HECW2: variants seen among roughly 807,000 people sequenced by gnomAD.
HECW2 encodes the protein E3 ubiquitin-protein ligase HECW2.
HECW2 carries 61 observed loss-of-function variants against 175.2 expected under a neutral mutation model. The ratio of observed to expected loss-of-function variants is 0.35; its 90% CI spans 0.28 to 0.43. HECW2 has a LOEUF of 0.43. HECW2 is among the 20% of genes least tolerant of loss of function. The pLI is 1.00. For missense variants in HECW2, 1,524 were observed against 2,000.5 expected, an observed-to-expected ratio of 0.76 and a Z score of 4.54; for synonymous variants, 671 against 731.0, an observed-to-expected ratio of 0.92 and a Z score of 1.32.
intron 2 of HECW2, among the ~76,000 whole-genome samples, chr2:196,359,250 C>A (rs543625017): frequency 4.6e-5 from 7 of 152,220 alleles, no homozygotes; most frequent in Admixed American, 2.0e-4. Flanking sequence ...GAGATCGATA[C>A]CATCCTGGCC....
intron 3 of HECW2, among the ~76,000 whole-genome samples, chr2:196,338,785 G>C (rs958132517): frequency 6.6e-6 from 1 of 152,194 alleles, no homozygotes; most frequent in African/African-American, 2.4e-5. Context: ...TAATCTTAAA[G>C]AATCAAGCTA....
rs145767213 is a variant in HECW2 at position 196,281,224 on chromosome 2, A to G, written c.3001-2562T>C. On this transcript the variant is annotated intron_variant, in intron 14 of 28. Transcript: ENST00000644978. The stretch of plus-strand genomic sequence containing the variant: ...TATCTTAGTCACTCTGTTATCCCCA[A>G]TAGCTTTTAGGGCTGTGCCTGGGAG... 7.8e-5 allele frequency among the ~76,000 whole-genome samples: 11 copies of G among 141,062 alleles called. No homozygotes were observed. In the East Asian group the frequency reaches 2.3e-3, roughly 30 times the overall value. The allele number at this position is 141,062 out of a possible 152,430, so 92.5% of individuals were successfully genotyped here. A position where few individuals can be genotyped will look rare whatever the true frequency, so the allele number is the denominator to read the frequency against.
At chr2:196,223,794 C>T (rs1180428077) in intron 23 of HECW2, among the ~76,000 whole-genome samples, 1 of 152,090 alleles carries the variant, frequency 6.6e-6, no homozygotes, top group South Asian at 2.1e-4. Flanking sequence ...TAGACCACTA[C>T]AGTAATATGG....
At chr2:196,300,000 A>C (rs1383288089) in intron 13 of HECW2, among the ~76,000 whole-genome samples, 1 of 152,164 alleles carries the variant, frequency 6.6e-6, no homozygotes, top group East Asian at 1.9e-4. Flanking sequence ...TACTTGAAAC[A>C]ATGCAGCGAT....
At chr2:196,246,551 A>G (rs558872351) in intron 19 of HECW2, among the ~76,000 whole-genome samples, 1 of 141,034 alleles carries the variant, frequency 7.1e-6, no homozygotes, top group East Asian at 2.5e-4. Flanking sequence ...CGCCCGGCTA[A>G]TTATTTTTTT....
chr2:196,508,664 A>G (rs1687847759), intron 1 of HECW2, among the ~76,000 whole-genome samples: 1 of 152,016 alleles, frequency 6.6e-6, no homozygotes, highest in African/African-American at 2.4e-5. Flanking sequence ...GGGCTCCCCA[A>G]CCTTCCTCCA....
At chr2:196,542,265 GAAAAA>G (rs1181642124) in intron 1 of HECW2, among the ~76,000 whole-genome samples, 1 of 92,318 alleles carries the variant, frequency 1.1e-5, no homozygotes, top group Non-Finnish European at 2.5e-5. Context: ...CTCTGTCTCA[GAAAAA>G]AAAAAAAAAA....
chr2:196,293,709 C>T (rs528798091), intron 13 of HECW2, among the ~76,000 whole-genome samples: 22 of 152,272 alleles, frequency 1.4e-4, no homozygotes, highest in African/African-American at 5.1e-4. Flanking sequence ...ACCACACTGG[C>T]GATGAATATG....
intron 1 of HECW2, among the ~76,000 whole-genome samples, chr2:196,548,054 G>A (rs1023907936): frequency 2.6e-5 from 4 of 152,140 alleles, no homozygotes; most frequent in African/African-American, 9.7e-5. Context: ...TATGGGCCAG[G>A]CGCAGTGGCT....
intron 2 of HECW2, among the ~76,000 whole-genome samples, chr2:196,370,649 C>A (rs13010229): frequency 0.074 from 11,232 of 152,162 alleles, 623 homozygotes; most frequent in African/African-American, 0.16. Context: ...TTATTTACAA[C>A]CCCAGAGCAA....
chr2:196,220,644 G>A, intron 25 of HECW2, 151 bp downstream of exon 25: 1 of 814,868 alleles, frequency 1.2e-6, no homozygotes. Flanking sequence ...TGGTGCTCTT[G>A]AAACATAAGG....
At chr2:196,249,758 C>T (rs572906430) in intron 19 of HECW2, among the ~76,000 whole-genome samples, 8 of 152,246 alleles carry the variant, frequency 5.3e-5, no homozygotes, top group Non-Finnish European at 1.2e-4. Flanking sequence ...TAGTGACTTC[C>T]ATTGATATCA....
At chr2:196,294,348 T>C (rs12617439) in intron 13 of HECW2, among the ~76,000 whole-genome samples, 99,098 of 152,018 alleles carry the variant, frequency 0.65, 32,871 homozygotes, top group East Asian at 0.83. Context: ...TGAATGATCA[T>C]CCTGGAACTC....
At chr2:196,390,474 C>T (rs573957291) in intron 2 of HECW2, among the ~76,000 whole-genome samples, 1 of 152,184 alleles carries the variant, frequency 6.6e-6, no homozygotes, top group Admixed American at 6.6e-5. Flanking sequence ...TGAAACTAAA[C>T]AGCAAAAGTC....
Position 196,433,048 on chromosome 2 carries a change from A to G in HECW2, c.292+84T>C. Reference sequence around the variant, plus strand: ...TATATGTGCATGTGAATTTTTTTCCAGAAGAAAATACAGAATGGTAAAAAT... The same window carrying G: ...TATATGTGCATGTGAATTTTTTTCCGGAAGAAAATACAGAATGGTAAAAAT... On this transcript the variant is annotated intron_variant, in intron 2 of 28. Transcript: ENST00000644978. 2.2e-6 allele frequency: 3 copies of G among 1,352,056 alleles called. 1 individual carries two copies. Among genetic ancestry groups the G allele is most frequent in the Non-Finnish European group, 3.0e-6 (3 of 986,436 alleles). 83.8% of individuals were successfully genotyped at this position (1,352,056 alleles called of 1,614,324 possible). A position where few individuals can be genotyped will look rare whatever the true frequency, so the allele number is the denominator to read the frequency against.
At chr2:196,455,103 G>A (rs1232836457) in intron 1 of HECW2, among the ~76,000 whole-genome samples, 4 of 150,566 alleles carry the variant, frequency 2.7e-5, no homozygotes, top group Admixed American at 6.6e-5. Context: ...GCACAATCTC[G>A]GCTCACTGCG....
intron 2 of HECW2, among the ~76,000 whole-genome samples, chr2:196,348,716 T>A (rs1035488427): frequency 1.3e-5 from 2 of 152,152 alleles, no homozygotes; most frequent in African/African-American, 4.8e-5. Flanking sequence ...CCCACATGTG[T>A]AATATAGAAG....
At chr2:196,565,507 A>G (rs1361831824) in intron 1 of HECW2, among the ~76,000 whole-genome samples, 2 of 152,244 alleles carry the variant, frequency 1.3e-5, no homozygotes, top group African/African-American at 4.8e-5. Context: ...TTTAAAGTTC[A>G]GCTTCCTCAT....
chr2:196,390,801 T>C (rs974227187), intron 2 of HECW2, among the ~76,000 whole-genome samples: 1 of 152,176 alleles, frequency 6.6e-6, no homozygotes, highest in Admixed American at 6.6e-5. Context: ...GATTAAGACA[T>C]CACAACAGGC....
Sources: allele counts gnomAD v4.1 joint callset (sites outside exome capture counted in the v4.1 genomes callset), GRCh38; gene constraint gnomAD v4.1.1; transcripts MANE v1.5; gene names NCBI Gene and HGNC (gene_info 2026-07-23, HGNC 2026-07-21).